RNGTT: variants seen among roughly 807,000 people sequenced by gnomAD.
The protein encoded by RNGTT is mRNA-capping enzyme.
In RNGTT, 33 loss-of-function variants were observed where a neutral mutation model predicts 79.3. The ratio of observed to expected loss-of-function variants is 0.42; its 90% CI spans 0.32 to 0.56. RNGTT has a LOEUF of 0.56. Ranked by LOEUF, RNGTT falls within the 20% of genes least tolerant of loss-of-function variation. The probability of loss-of-function intolerance (pLI) is 0.17; values close to 1 mark genes in which losing one functional copy is unlikely to be tolerated. For missense variants in RNGTT, 497 were observed against 739.1 expected, an observed-to-expected ratio of 0.67 and a Z score of 3.80; for synonymous variants, 222 against 235.9, an observed-to-expected ratio of 0.94 and a Z score of 0.54.
intron 14 of RNGTT, among the ~76,000 whole-genome samples, chr6:88,642,972 A>G (rs547406141): frequency 1.3e-5 from 2 of 152,346 alleles, no homozygotes; most frequent in African/African-American, 4.8e-5. Context: ...AAAGATTATT[A>G]TTTCCAAAAG....
chr6:88,875,204 G>A (rs143778257), intron 8 of RNGTT, among the ~76,000 whole-genome samples: 70 of 151,748 alleles, frequency 4.6e-4, no homozygotes, highest in African/African-American at 1.4e-3. Flanking sequence ...AAATAATAGA[G>A]TTTTTCTATT....
intron 13 of RNGTT, among the ~76,000 whole-genome samples, chr6:88,722,666 CT>C (rs1776745439): frequency 6.6e-6 from 1 of 152,180 alleles, no homozygotes; most frequent in South Asian, 2.1e-4. Flanking sequence ...TATTTCCAGG[CT>C]TTTGACAAGG....
At chr6:88,922,195 G>T (rs1784184287) in intron 4 of RNGTT, among the ~76,000 whole-genome samples, 1 of 151,402 alleles carries the variant, frequency 6.6e-6, no homozygotes. Context: ...ATGTGCCACT[G>T]GGCCCAGCTC....
intron 11 of RNGTT, among the ~76,000 whole-genome samples, chr6:88,829,545 T>G (rs577650589): frequency 6.6e-6 from 1 of 151,876 alleles, no homozygotes; most frequent in Non-Finnish European, 1.5e-5. Context: ...TAAATGTAAA[T>G]GGGCTAAATG....
chr6:88,615,259 T>C (rs1402315405), intron 14 of RNGTT, among the ~76,000 whole-genome samples: 1 of 152,224 alleles, frequency 6.6e-6, no homozygotes, highest in African/African-American at 2.4e-5. Flanking sequence ...TGCAATCATT[T>C]AACTTCATTA....
chr6:88,801,700 G>T, intron 11 of RNGTT, 68 bp from the exon 12 acceptor site: 1 of 1,064,668 alleles, frequency 9.4e-7, no homozygotes, highest in Non-Finnish European at 1.4e-6. Flanking sequence ...TAAACTTCTT[G>T]CTAAGCTTTA....
chr6:88,909,978 A>G (rs1295507659), intron 4 of RNGTT, among the ~76,000 whole-genome samples: 1 of 152,178 alleles, frequency 6.6e-6, no homozygotes, highest in Non-Finnish European at 1.5e-5. Context: ...TTAAAAAAAA[A>G]AAACCCATTC....
intron 11 of RNGTT, 40 bp downstream of exon 11, chr6:88,844,317 G>A (rs1283813770): frequency 2.6e-6 from 4 of 1,546,582 alleles, no homozygotes; most frequent in Non-Finnish European, 2.7e-6. Context: ...TGAATTATGA[G>A]ACATTATTAG....
At chr6:88,756,104 G>GT (rs1175090849) in intron 13 of RNGTT, among the ~76,000 whole-genome samples, 12 of 151,876 alleles carry the variant, frequency 7.9e-5, no homozygotes, top group Non-Finnish European at 1.2e-4. Context: ...TTAATAGACA[G>GT]TTCAGGTTAA....
intron 1 of RNGTT, among the ~76,000 whole-genome samples, chr6:88,956,637 C>T (rs1354007082): frequency 1.3e-5 from 2 of 152,096 alleles, no homozygotes; most frequent in Non-Finnish European, 2.9e-5. Flanking sequence ...TGCAAAAATC[C>T]TCAACAAAAT....
intron 11 of RNGTT, among the ~76,000 whole-genome samples, chr6:88,802,766 A>C (rs1341557141): frequency 1.3e-5 from 2 of 152,152 alleles, no homozygotes; most frequent in Non-Finnish European, 2.9e-5. Context: ...AAAGCATCAG[A>C]TCACATAAGA....
intron 13 of RNGTT, among the ~76,000 whole-genome samples, chr6:88,698,233 G>A (rs1235305323): frequency 2.9e-4 from 27 of 93,048 alleles, no homozygotes; most frequent in Admixed American, 1.5e-3. Flanking sequence ...ATATATATAT[G>A]AAATATATAT....
chr6:88,763,289 A>G (rs1213583032), intron 13 of RNGTT, among the ~76,000 whole-genome samples: 1 of 151,908 alleles, frequency 6.6e-6, no homozygotes, highest in Non-Finnish European at 1.5e-5. Context: ...CAGTTGATAA[A>G]TATTTGGGGT....
intron 13 of RNGTT, among the ~76,000 whole-genome samples, chr6:88,692,525 AC>A (rs1775519350): frequency 6.6e-6 from 1 of 152,112 alleles, no homozygotes; most frequent in Non-Finnish European, 1.5e-5. Flanking sequence ...CAGACACACT[AC>A]CTCAATAAAA....
At chr6:88,791,083 G>A (rs1431922515) in intron 12 of RNGTT, among the ~76,000 whole-genome samples, 1 of 151,006 alleles carries the variant, frequency 6.6e-6, no homozygotes, top group African/African-American at 2.4e-5. Flanking sequence ...GGCCATTCAA[G>A]GGCAGGGGAG....
chr6:88,756,767 T>C (rs1189725108), intron 13 of RNGTT, among the ~76,000 whole-genome samples: 1 of 152,118 alleles, frequency 6.6e-6, no homozygotes, highest in East Asian at 1.9e-4. Flanking sequence ...CAGCATCAAA[T>C]CAGGAAAACT....
intron 8 of RNGTT, among the ~76,000 whole-genome samples, chr6:88,860,709 A>G (rs1351791697): frequency 6.6e-6 from 1 of 152,084 alleles, no homozygotes; most frequent in East Asian, 1.9e-4. Context: ...GCATAGTGAT[A>G]CACGTCTGTA....
At chr6:88,843,751 T>G (rs1429270074) in intron 11 of RNGTT, among the ~76,000 whole-genome samples, 2 of 151,048 alleles carry the variant, frequency 1.3e-5, no homozygotes, top group Non-Finnish European at 1.5e-5. Flanking sequence ...TAGAGACGGG[T>G]TTCACCATAT....
intron 8 of RNGTT, among the ~76,000 whole-genome samples, chr6:88,878,079 T>TATTC (rs1315853032): frequency 7.2e-6 from 1 of 138,332 alleles, no homozygotes; most frequent in Non-Finnish European, 1.6e-5. Flanking sequence ...TTCATTTGTT[T>TATTC]ATTTATTTAT....
Sources: allele counts gnomAD v4.1 joint callset (sites outside exome capture counted in the v4.1 genomes callset), GRCh38; gene constraint gnomAD v4.1.1; transcripts MANE v1.5; gene names NCBI Gene and HGNC (gene_info 2026-07-23, HGNC 2026-07-21).